The following CHRM2 variants were observed in gnomAD, a reference collection of about 807,000 sequenced individuals.
The protein encoded by CHRM2 is cholinergic receptor muscarinic 2, also known as muscarinic acetylcholine receptor M2.
CHRM2 carries 8 observed loss-of-function variants against 25.0 expected under a neutral mutation model. The ratio of observed to expected loss-of-function variants is 0.32; its 90% CI spans 0.19 to 0.58. CHRM2 has a LOEUF of 0.58. CHRM2 is among the 20% of genes least tolerant of loss of function. CHRM2 has a pLI of 0.88. For missense variants in CHRM2, 440 were observed against 567.1 expected, an observed-to-expected ratio of 0.78 and a Z score of 2.28; for synonymous variants, 202 against 205.7, an observed-to-expected ratio of 0.98 and a Z score of 0.15.
intron 2 of CHRM2, among the ~76,000 whole-genome samples, chr7:136,918,050 G>A (rs1798219062): frequency 6.6e-6 from 1 of 152,000 alleles, no homozygotes; most frequent in African/African-American, 2.4e-5. Context: ...AAGAGAGAAA[G>A]GTTTTAAGGA....
At chr7:136,881,118 C>T (rs188735612) in intron 2 of CHRM2, among the ~76,000 whole-genome samples, 1 of 148,674 alleles carries the variant, frequency 6.7e-6, no homozygotes, top group Admixed American at 6.8e-5. Context: ...AGCCTCTGTG[C>T]CCCTTCCATC....
At chr7:136,959,017 T>C (rs1800899455) in intron 2 of CHRM2, among the ~76,000 whole-genome samples, 1 of 152,158 alleles carries the variant, frequency 6.6e-6, no homozygotes, top group Non-Finnish European at 1.5e-5. Context: ...TCTGAAAAGA[T>C]GGCTGAGAGG....
intron 2 of CHRM2, among the ~76,000 whole-genome samples, chr7:136,988,763 G>A (rs1311123850): frequency 6.6e-6 from 1 of 152,070 alleles, no homozygotes; most frequent in African/African-American, 2.4e-5. Context: ...ATGGTGACTT[G>A]ATTATCTTGT....
chr7:136,918,796 C>A (rs1224552592), intron 2 of CHRM2, among the ~76,000 whole-genome samples: 1 of 151,982 alleles, frequency 6.6e-6, no homozygotes, highest in African/African-American at 2.4e-5. Context: ...AAACTTCCAG[C>A]AGCCACTGAT....
chr7:136,925,039 G>A (rs1798664236), intron 2 of CHRM2, among the ~76,000 whole-genome samples: 1 of 152,092 alleles, frequency 6.6e-6, no homozygotes, highest in Admixed American at 6.5e-5. Context: ...TGCTATAGAA[G>A]ATAAAATAAT....
chr7:136,987,334 C>T (rs1802924679), intron 2 of CHRM2, among the ~76,000 whole-genome samples: 1 of 152,198 alleles, frequency 6.6e-6, no homozygotes, highest in East Asian at 1.9e-4. Context: ...CTCTATGTCA[C>T]TGGGCTTCCT....
At chr7:136,874,614 A>G (rs1052209632) in intron 2 of CHRM2, among the ~76,000 whole-genome samples, 1 of 124,000 alleles carries the variant, frequency 8.1e-6, no homozygotes, top group Non-Finnish European at 1.6e-5. Context: ...CTTTCACTGA[A>G]TGATGCCCTC....
intron 2 of CHRM2, among the ~76,000 whole-genome samples, chr7:136,974,161 C>T (rs1460247978): frequency 6.6e-6 from 1 of 152,104 alleles, no homozygotes; most frequent in African/African-American, 2.4e-5. Flanking sequence ...AAAGTACTTA[C>T]GATGCTTCTA....
At chr7:136,962,796 T>C (rs571634202) in intron 2 of CHRM2, among the ~76,000 whole-genome samples, 1 of 152,154 alleles carries the variant, frequency 6.6e-6, no homozygotes, top group Non-Finnish European at 1.5e-5. Flanking sequence ...TCTGTACTAC[T>C]GAAAAACCGC....
At chr7:136,903,134 C>T in intron 2 of CHRM2, 1 of 533,854 alleles carries the variant, frequency 1.9e-6, no homozygotes, top group Non-Finnish European at 3.9e-6. Flanking sequence ...ATTCTTCAAC[C>T]AACGGTGGTG....
chr7:136,932,443 T>C (rs1416957468), intron 2 of CHRM2, among the ~76,000 whole-genome samples: 1 of 152,190 alleles, frequency 6.6e-6, no homozygotes, highest in Admixed American at 6.5e-5. Flanking sequence ...CCCTACCCAA[T>C]CTTTTCTAGT....
At chr7:136,978,096 A>G (rs1309628218) in intron 2 of CHRM2, among the ~76,000 whole-genome samples, 1 of 152,158 alleles carries the variant, frequency 6.6e-6, no homozygotes, top group Non-Finnish European at 1.5e-5. Context: ...CACGGGCTGG[A>G]AAACTACCCA....
In CHRM2 at chr7:136,921,794, C is replaced by CTTTTTTTTTTTTTTTT. The variant is rs398006503; in HGVS notation, c.-125+52384_-125+52385insTTTTTTTTTTTTTTTT. ...TCTTTCTTTCTTTCTTTCTTTCTTT[C>CTTTTTTTTTTTTTTTT]TTTTTTTTGAGACAGATTCTCACTC... On this transcript the variant is annotated intron_variant, in intron 2 of 3. Coordinates refer to ENST00000680005, the MANE Select transcript of CHRM2 (RefSeq NM_001006630.2). Among the ~76,000 whole-genome samples, 7 of 116,538 alleles carry CTTTTTTTTTTTTTTTT rather than the reference C, an allele frequency of 6.0e-5. 1 individual carries two copies. The highest frequency in any genetic ancestry group is 1.2e-4 in the Non-Finnish European group (6 of 48,786). 76.5% of individuals were successfully genotyped at this position (116,538 alleles called of 152,430 possible). A position where few individuals can be genotyped will look rare whatever the true frequency, so the allele number is the denominator to read the frequency against.
At chr7:136,894,882 C>T (rs923795810) in intron 2 of CHRM2, among the ~76,000 whole-genome samples, 5 of 152,142 alleles carry the variant, frequency 3.3e-5, no homozygotes, top group African/African-American at 9.7e-5. Flanking sequence ...CAGGTAGGGA[C>T]ATAAAATTAA....
intron 2 of CHRM2, among the ~76,000 whole-genome samples, chr7:136,985,814 GC>G (rs1247829269): frequency 6.6e-6 from 1 of 152,092 alleles, no homozygotes; most frequent in Non-Finnish European, 1.5e-5. Context: ...TCACTCACTG[GC>G]AAGACCTCTG....
chr7:136,938,229 C>T, intron 2 of CHRM2: 2 of 779,498 alleles, frequency 2.6e-6, no homozygotes, highest in Non-Finnish European at 4.6e-6. Context: ...ACCTTTGTTA[C>T]TGAATCTTTA....
At chr7:136,881,947 CA>C (rs561640808) in intron 2 of CHRM2, among the ~76,000 whole-genome samples, 13 of 152,144 alleles carry the variant, frequency 8.5e-5, no homozygotes, top group South Asian at 8.3e-4. Flanking sequence ...GTTGAAAGAC[CA>C]TTTTATACAA....
At chr7:136,963,244 C>T (rs559587927) in intron 2 of CHRM2, among the ~76,000 whole-genome samples, 1 of 151,984 alleles carries the variant, frequency 6.6e-6, no homozygotes, top group African/African-American at 2.4e-5. Context: ...GACCAGGGTG[C>T]CTGAATGCTT....
At chr7:136,931,031 G>A (rs1354103766) in intron 2 of CHRM2, among the ~76,000 whole-genome samples, 1 of 150,906 alleles carries the variant, frequency 6.6e-6, no homozygotes, top group Non-Finnish European at 1.5e-5. Context: ...TCTATCCTAA[G>A]TTTTCTGGTA....
Sources: gnomAD v4.1 joint callset for allele counts (sites outside exome capture counted in the v4.1 genomes callset) on GRCh38, gnomAD v4.1.1 for gene constraint, MANE v1.5 for transcripts, NCBI Gene and HGNC (gene_info 2026-07-23, HGNC 2026-07-21) for gene names.